Variants in PPP1R3A observed in about 807,000 individuals in gnomAD.
PPP1R3A encodes protein phosphatase 1 regulatory subunit 3A, also known as RG1.
Under a neutral mutation model 41.7 loss-of-function variants are expected in PPP1R3A, and 29 were observed. That is an observed-to-expected ratio of 0.70 (90% confidence interval 0.52 to 0.95). The LOEUF is 0.95. PPP1R3A is among the 40% of genes least tolerant of loss of function. PPP1R3A has a pLI of 0.00. For synonymous variants in PPP1R3A, 485 were observed against 453.4 expected, an observed-to-expected ratio of 1.07 and a Z score of -0.89; for missense variants, 1,352 against 1,292.4, an observed-to-expected ratio of 1.05 and a Z score of -0.71.
chr7:113,898,631 C>A (rs1797014051), intron 1 of PPP1R3A, among the ~76,000 whole-genome samples: 1 of 151,800 alleles, frequency 6.6e-6, no homozygotes, highest in African/African-American at 2.4e-5. Context: ...AAACTACAGC[C>A]TCTCAACACA....
chr7:113,903,325 A>G (rs527585320), intron 1 of PPP1R3A, among the ~76,000 whole-genome samples: 4 of 151,922 alleles, frequency 2.6e-5, no homozygotes, highest in East Asian at 2.0e-4. Context: ...TGTGCAATAT[A>G]TATCTGCTTA....
At chr7:113,913,397 T>G (rs1256985363) in intron 1 of PPP1R3A, among the ~76,000 whole-genome samples, 2 of 152,148 alleles carry the variant, frequency 1.3e-5, no homozygotes, top group Non-Finnish European at 2.9e-5. Flanking sequence ...AGATAAACCC[T>G]CTGTATTCTT....
intron 1 of PPP1R3A, 33 bp downstream of exon 1, chr7:113,918,182 G>T: frequency 1.3e-6 from 2 of 1,540,706 alleles, no homozygotes; most frequent in South Asian, 2.5e-5. Flanking sequence ...CTTTAAGATT[G>T]TGAATAATAA....
Position 113,918,237 on chromosome 7 carries a change from C to T in PPP1R3A, c.760G>A (p.Gly254Ser). The T allele has an allele frequency of 6.2e-7, 1 of 1,602,546 alleles. No homozygotes were observed. ...CACCTTGATTTTACCTTTAAGCAGC[C>T]TTTTATTTGTCTGTTAGGAACTTCT... ...WKEVPNRQIK[G>S]CLKVKSSKEE... The change falls in exon 1 of 4, where the codon GGC (glycine) becomes AGC (serine). Residue 254 changes from glycine (G) to serine (S), a missense_variant. Physicochemically the swap from Gly to Ser is moderately conservative, Grantham distance 56 (BLOSUM62 0). Transcript: ENST00000284601.
intron 1 of PPP1R3A, among the ~76,000 whole-genome samples, chr7:113,902,902 A>G (rs1384183146): frequency 6.6e-6 from 1 of 151,822 alleles, no homozygotes; most frequent in African/African-American, 2.4e-5. Flanking sequence ...GGCACATAGT[A>G]TGTTTTCCAT....
chr7:113,880,267 T>A, intron 3 of PPP1R3A, 142 bp from the exon 4 acceptor site: 1 of 857,340 alleles, frequency 1.2e-6, no homozygotes, highest in Non-Finnish European at 1.7e-6. Flanking sequence ...TCATATAAAC[T>A]CTGGAAGCCA....
intron 1 of PPP1R3A, among the ~76,000 whole-genome samples, chr7:113,911,903 T>C (rs1287935059): frequency 6.6e-6 from 1 of 152,092 alleles, no homozygotes; most frequent in Admixed American, 6.6e-5. Flanking sequence ...CCACTTTGAG[T>C]ATCTACAAAA....
intron 1 of PPP1R3A, among the ~76,000 whole-genome samples, chr7:113,885,947 T>C (rs1205409081): frequency 2.0e-5 from 3 of 149,568 alleles, no homozygotes; most frequent in African/African-American, 4.9e-5. Context: ...TAACTATGTA[T>C]ATAGCAAGGG....
At chr7:113,886,125 A>G (rs992396367) in intron 1 of PPP1R3A, among the ~76,000 whole-genome samples, 1 of 151,832 alleles carries the variant, frequency 6.6e-6, no homozygotes. Context: ...ATAGCAAGGG[A>G]TAATTTAATA....
intron 1 of PPP1R3A, among the ~76,000 whole-genome samples, chr7:113,916,979 T>A (rs1377485211): frequency 1.3e-5 from 2 of 152,068 alleles, no homozygotes; most frequent in Admixed American, 1.3e-4. Context: ...AAAATAAACA[T>A]AATATATATG....
chr7:113,880,176 T>C (rs1488813635), intron 3 of PPP1R3A, 51 bp from the exon 4 acceptor site: 18 of 1,471,196 alleles, frequency 1.2e-5, no homozygotes, highest in Admixed American at 3.6e-5. Context: ...TCTTTTAAAA[T>C]ATATAGTGAA....
chr7:113,913,460 G>GT (rs537621623), intron 1 of PPP1R3A, among the ~76,000 whole-genome samples: 20 of 152,012 alleles, frequency 1.3e-4, no homozygotes, highest in African/African-American at 4.6e-4. Flanking sequence ...AACGTACCTG[G>GT]TTTTTTTCCT....
intron 3 of PPP1R3A, among the ~76,000 whole-genome samples, chr7:113,880,344 T>A (rs948195394): frequency 1.3e-5 from 2 of 151,950 alleles, no homozygotes; most frequent in South Asian, 4.1e-4. Flanking sequence ...GGGGCCCAAA[T>A]TTATCACTCT....
chr7:113,907,211 C>T (rs754526263), intron 1 of PPP1R3A, among the ~76,000 whole-genome samples: 17 of 151,710 alleles, frequency 1.1e-4, no homozygotes, highest in Admixed American at 6.6e-4. Context: ...CACTACTGCT[C>T]ATGAGTAGCA....
chr7:113,880,517 C>T (rs1796673723), intron 3 of PPP1R3A, among the ~76,000 whole-genome samples: 1 of 151,978 alleles, frequency 6.6e-6, no homozygotes, highest in African/African-American at 2.4e-5. Context: ...GTAGGTGCCC[C>T]CATTACAGTT....
chr7:113,915,740 A>G (rs1396321608), intron 1 of PPP1R3A, among the ~76,000 whole-genome samples: 1 of 151,734 alleles, frequency 6.6e-6, no homozygotes. Flanking sequence ...AACTATTTGG[A>G]GAGAAGAGAT....
In PPP1R3A at chr7:113,918,249, T is replaced by C; in HGVS notation, c.748A>G (p.Arg250Gly). The C allele has an allele frequency of 1.9e-6, 3 of 1,603,922 alleles. No individual in the cohort carries two copies. The highest frequency in any genetic ancestry group is 2.5e-6 in the Non-Finnish European group (3 of 1,176,740). The change falls in exon 1 of 4, where the codon AGA becomes GGA. Residue 250 changes from arginine (R) to glycine (G), a missense_variant. Physicochemically the swap from Arg to Gly is moderately radical, Grantham distance 125 (BLOSUM62 -2). Transcript: ENST00000284601. ...ACCTTTAAGCAGCCTTTTATTTGTCTGTTAGGAACTTCTTTCCATGGTTTT... is the reference window on the plus strand; with the variant it reads ...ACCTTTAAGCAGCCTTTTATTTGTCCGTTAGGAACTTCTTTCCATGGTTTT... The part of the protein sequence containing the change: ...PVKPWKEVPN[R>G]QIKGCLKVKS...
Position 113,913,966 on chromosome 7 carries a change from C to T in PPP1R3A, c.782+4249G>A, listed in dbSNP as rs1316373428. 1.3e-5 allele frequency among the ~76,000 whole-genome samples: 2 copies of T among 151,968 alleles called. 1 individual carries two copies. Among genetic ancestry groups the T allele is most frequent in the East Asian group, 3.9e-4 (2 of 5,176 alleles). ...GTCTCCAGCCACATTTCTCAGTTAT[C>T]GATACTGCTGCCTAACAACTCAGAA... is the stretch of plus-strand genomic sequence containing the variant. On this transcript the variant is annotated intron_variant, in intron 1 of 3. Coordinates refer to ENST00000284601, the MANE Select transcript of PPP1R3A (RefSeq NM_002711.4).
At chr7:113,897,487 A>T (rs1010121982) in intron 1 of PPP1R3A, among the ~76,000 whole-genome samples, 1 of 151,636 alleles carries the variant, frequency 6.6e-6, no homozygotes, top group Non-Finnish European at 1.5e-5. Context: ...TAGTTACTGG[A>T]GTTCGAAGCT....
Sources: allele counts gnomAD v4.1 joint callset (sites outside exome capture counted in the v4.1 genomes callset), GRCh38; gene constraint gnomAD v4.1.1; transcripts MANE v1.5; gene names NCBI Gene and HGNC (gene_info 2026-07-23, HGNC 2026-07-21).